Variants in MYO10 observed in about 807,000 individuals in gnomAD.
The protein encoded by MYO10 is unconventional myosin-X.
Under a neutral mutation model 257.3 loss-of-function variants are expected in MYO10, and 133 were observed. That is an observed-to-expected ratio of 0.52 (90% CI 0.45 to 0.60). The LOEUF (loss-of-function observed/expected upper bound fraction) is 0.60. Ranked by LOEUF, MYO10 falls within the 20% of genes least tolerant of loss-of-function variation. The pLI, the probability that MYO10 is intolerant of heterozygous loss-of-function variation, is 0.00. For missense variants in MYO10, 2,399 were observed against 2,635.7 expected (o/e 0.91, Z 1.97); for synonymous variants, 1,104 against 1,028.6 (o/e 1.07, Z -1.40).
At chr5:16,927,958 C>A (rs1342679299) in intron 1 of MYO10, among the ~76,000 whole-genome samples, 1 of 152,160 alleles carries the variant, frequency 6.6e-6, no homozygotes, top group Admixed American at 6.6e-5. Flanking sequence ...ACCCAATGTC[C>A]TGTCAATAAC....
At chr5:16,886,398 C>G (rs577928362) in intron 1 of MYO10, among the ~76,000 whole-genome samples, 41 of 152,270 alleles carry the variant, frequency 2.7e-4, no homozygotes, top group South Asian at 1.0e-3. Context: ...ACAACTGTCC[C>G]GTGCCCATCA....
At chr5:16,734,729 C>T (rs527444889) in intron 19 of MYO10, among the ~76,000 whole-genome samples, 1 of 149,866 alleles carries the variant, frequency 6.7e-6, no homozygotes, top group East Asian at 2.1e-4. Flanking sequence ...CACTTGAACC[C>T]GGGAGGCGGA....
intron 3 of MYO10, among the ~76,000 whole-genome samples, chr5:16,813,944 G>T (rs547151283): frequency 3.3e-5 from 5 of 152,260 alleles, no homozygotes; most frequent in African/African-American, 1.2e-4. Context: ...TAGAAGCTGG[G>T]AACAGCCCTC....
At position 16,852,201 on chromosome 5, in the gene MYO10, A is replaced by G. The variant is rs963739425; in HGVS notation, c.120+25408T>C. Among the ~76,000 whole-genome samples, 4 of 151,238 alleles carry G rather than the reference A, an allele frequency of 2.6e-5. No individual in the cohort carries two copies. The East Asian group carries it at 7.8e-4, about 29-fold the overall frequency. On this transcript the variant is annotated intron_variant, in intron 2 of 40. Transcript: ENST00000513610. ...AAAGACTGTGTATAACTTTAGGTAC[A>G]TTAAAAGGACAATATACAATTGAGA... is the stretch of plus-strand genomic sequence containing the variant.
At chr5:16,718,530 T>G (rs1185536243) in intron 19 of MYO10, among the ~76,000 whole-genome samples, 1 of 152,098 alleles carries the variant, frequency 6.6e-6, no homozygotes, top group Non-Finnish European at 1.5e-5. Flanking sequence ...ACACTCTGTA[T>G]CTAGCTGCTC....
intron 3 of MYO10, among the ~76,000 whole-genome samples, chr5:16,796,164 G>C (rs1741937805): frequency 7.1e-6 from 1 of 141,350 alleles, no homozygotes; most frequent in African/African-American, 2.6e-5. Context: ...ACTCCAACCT[G>C]GGCGACAGAG....
At chr5:16,710,116 TG>T (rs1177027699) in intron 21 of MYO10, among the ~76,000 whole-genome samples, 2 of 152,212 alleles carry the variant, frequency 1.3e-5, no homozygotes, top group Non-Finnish European at 2.9e-5. Context: ...ATTGCACTGC[TG>T]TGTGTAAGGG....
chr5:16,672,294 C>CAAA lies in MYO10; in HGVS notation c.5309+392_5309+394dup, dbSNP rs10684695. ...TGGGCAACAGAGCAAGACTCCATCT[C>CAAA]AAAAAAAAAAAAAAGTAGGTCCATT... On this transcript the variant is annotated intron_variant, in intron 37 of 40. Transcript: ENST00000513610. 5.0e-4 allele frequency among the ~76,000 whole-genome samples: 61 copies of CAAA among 122,266 alleles called. 4 individuals carry two copies. Among genetic ancestry groups the CAAA allele is most frequent in the South Asian group, 1.9e-3 (7 of 3,706 alleles). 80.2% of individuals were successfully genotyped at this position (122,266 alleles called of 152,430 possible). A position where few individuals can be genotyped will look rare whatever the true frequency, so the allele number is the denominator to read the frequency against.
chr5:16,708,790 T>TGGGCTCAAGCGATCCTTC (rs1333932850), intron 21 of MYO10, among the ~76,000 whole-genome samples: 2 of 152,174 alleles, frequency 1.3e-5, no homozygotes, highest in African/African-American at 4.8e-5. Context: ...CTCAGACTCC[T>TGGGCTCAAGCGATCCTTC]GGGCTCAAGC....
At chr5:16,780,200 C>CA (rs1432203543) in intron 8 of MYO10, among the ~76,000 whole-genome samples, 1 of 151,662 alleles carries the variant, frequency 6.6e-6, no homozygotes, top group African/African-American at 2.4e-5. Flanking sequence ...TGCACCCAGC[C>CA]AAAAATCAAA....
At chr5:16,911,185 G>A (rs551763829) in intron 1 of MYO10, among the ~76,000 whole-genome samples, 35 of 152,196 alleles carry the variant, frequency 2.3e-4, no homozygotes, top group African/African-American at 8.4e-4. Context: ...GATCTATGAG[G>A]ATCCATTCAG....
chr5:16,733,299 C>A (rs989486780), intron 19 of MYO10, among the ~76,000 whole-genome samples: 5 of 152,130 alleles, frequency 3.3e-5, no homozygotes, highest in African/African-American at 1.2e-4. Context: ...AATCACCCCA[C>A]CCCATCATCC....
chr5:16,870,900 CAA>C (rs891139713), intron 2 of MYO10, among the ~76,000 whole-genome samples: 1 of 151,430 alleles, frequency 6.6e-6, no homozygotes, highest in African/African-American at 2.4e-5. Context: ...CACACACACA[CAA>C]AAAAAATTCT....
chr5:16,835,849 TATC>T (rs949415363), intron 2 of MYO10, among the ~76,000 whole-genome samples: 5 of 151,770 alleles, frequency 3.3e-5, no homozygotes, highest in African/African-American at 9.7e-5. Context: ...AAAACATTAA[TATC>T]ATGCTCTGGG....
At chr5:16,672,954 T>A (rs1736541642) in intron 36 of MYO10, 129 bp from the exon 37 acceptor site, 1 of 1,047,968 alleles carries the variant, frequency 9.5e-7, no homozygotes, top group South Asian at 1.7e-5. Flanking sequence ...CTAAAAATGT[T>A]ACCCGTGTGG....
intron 19 of MYO10, among the ~76,000 whole-genome samples, chr5:16,750,488 T>C: frequency 6.6e-6 from 1 of 151,874 alleles, no homozygotes; most frequent in East Asian, 1.9e-4. Flanking sequence ...GTTCTGGGGT[T>C]CAAACACTTG....
chr5:16,823,866 C>G (rs1742917657), intron 2 of MYO10, among the ~76,000 whole-genome samples: 1 of 151,926 alleles, frequency 6.6e-6, no homozygotes, highest in African/African-American at 2.4e-5. Context: ...CTAAAAATCA[C>G]AAGTTGGAAT....
intron 1 of MYO10, among the ~76,000 whole-genome samples, chr5:16,895,753 AACACACACACACAC>A (rs57628919): frequency 0.015 from 2,020 of 131,700 alleles, 30 homozygotes; most frequent in Non-Finnish European, 0.021. Context: ...CCAACACCAC[AACACACACACACAC>A]ACACACACAC....
At chr5:16,826,518 C>CGGCAGGAGGAGCCCA (rs1270534175) in intron 2 of MYO10, among the ~76,000 whole-genome samples, 1 of 152,138 alleles carries the variant, frequency 6.6e-6, no homozygotes, top group African/African-American at 2.4e-5. Context: ...TCAGGGAGTG[C>CGGCAGGAGGAGCCCA]GGCAGGAGGA....
Sources: gnomAD v4.1 joint callset for allele counts (sites outside exome capture counted in the v4.1 genomes callset) on GRCh38, gnomAD v4.1.1 for gene constraint, MANE v1.5 for transcripts, NCBI Gene and HGNC (gene_info 2026-07-23, HGNC 2026-07-21) for gene names.